The following EGFLAM variants were observed in gnomAD, a reference collection of about 807,000 sequenced individuals.
The protein encoded by EGFLAM is EGF like, fibronectin type III and laminin G domains.
A neutral mutation model predicts 113.1 loss-of-function variants in EGFLAM; 79 were observed. That is an observed-to-expected ratio of 0.70 (90% CI 0.58 to 0.84). The LOEUF (loss-of-function observed/expected upper bound fraction) is 0.84. Among genes scored for constraint, EGFLAM ranks in the 40% least tolerant of loss-of-function variants. EGFLAM has a pLI of 0.00. For missense variants in EGFLAM, 1,265 were observed against 1,291.6 expected (o/e 0.98, Z 0.32); for synonymous variants, 504 against 487.6 (o/e 1.03, Z -0.44).
intron 17 of EGFLAM, 36 bp from the exon 18 acceptor site, chr5:38,448,265 C>T (rs747239456): frequency 6.2e-7 from 1 of 1,611,820 alleles, no homozygotes; most frequent in Non-Finnish European, 8.5e-7. Context: ...AAGAGAACCA[C>T]ATACTATGTA....
intron 17 of EGFLAM, among the ~76,000 whole-genome samples, chr5:38,439,386 T>G (rs1160912650): frequency 7.5e-6 from 1 of 133,140 alleles, no homozygotes; most frequent in South Asian, 2.4e-4. Flanking sequence ...CCCAGGAACT[T>G]AAAAAAAAAA....
At chr5:38,276,965 A>G (rs548465594) in intron 1 of EGFLAM, among the ~76,000 whole-genome samples, 1 of 152,332 alleles carries the variant, frequency 6.6e-6, no homozygotes, top group East Asian at 1.9e-4. Flanking sequence ...TGGTGTCACT[A>G]GTGAATTCTA....
intron 1 of EGFLAM, among the ~76,000 whole-genome samples, chr5:38,295,435 G>A (rs1367634919): frequency 6.6e-6 from 1 of 152,122 alleles, no homozygotes; most frequent in African/African-American, 2.4e-5. Context: ...TAAAAATATG[G>A]CTTGTGAATA....
In EGFLAM at chr5:38,302,056, G is replaced by A. The variant is rs143353717; in HGVS notation, c.98-35464G>A. 1.2e-4 allele frequency among the ~76,000 whole-genome samples: 18 copies of A among 152,026 alleles called. No homozygotes were observed. The East Asian group carries it at 1.6e-3, about 13-fold the overall frequency. On this transcript the variant is annotated intron_variant, in intron 1 of 21. Transcript: ENST00000322350. Reference sequence around the variant, plus strand: ...GGAGTTTGAGACCAGCCTGGCCAACGTAGCGAAACCCCGTCTCTACTAAAT... The same window carrying A: ...GGAGTTTGAGACCAGCCTGGCCAACATAGCGAAACCCCGTCTCTACTAAAT...
chr5:38,421,207 T>C (rs1056279240), intron 12 of EGFLAM, among the ~76,000 whole-genome samples: 1 of 152,230 alleles, frequency 6.6e-6, no homozygotes, highest in Admixed American at 6.5e-5. Flanking sequence ...ATTACTCAGT[T>C]CCTTCCACTT....
intron 6 of EGFLAM, among the ~76,000 whole-genome samples, chr5:38,398,887 A>G (rs1425810280): frequency 6.6e-6 from 1 of 152,210 alleles, no homozygotes; most frequent in African/African-American, 2.4e-5. Context: ...TCTGGTGGGT[A>G]TTAGGGTTTT....
chr5:38,337,598 G>A lies in EGFLAM; in HGVS notation c.176G>A (p.Arg59Lys), dbSNP rs754196781. ...TAFSIQWKMP[R>K]HPGSPILGYT... ...TTCAGCATCCAGTGGAAAATGCCAA[G>A]GCATCCTGGAAGTCCCATCCTTGGG... Residue 59 changes from arginine (R) to lysine (K), a missense_variant, in exon 2 of 22, where the codon AGG (arginine) becomes AAG (lysine). Transcript: ENST00000322350. 17 of 1,605,096 alleles carry A rather than the reference G, an allele frequency of 1.1e-5. 1 individual carries two copies. The South Asian group carries it at 1.9e-4, about 18-fold the overall frequency.
At chr5:38,445,528 A>G in intron 17 of EGFLAM, 1 of 1,555,846 alleles carries the variant, frequency 6.4e-7, no homozygotes, top group Admixed American at 1.7e-5. Context: ...TCATATTCAC[A>G]TTCCCTAAGA....
At chr5:38,369,830 T>A (rs1473355187) in intron 5 of EGFLAM, among the ~76,000 whole-genome samples, 1 of 152,236 alleles carries the variant, frequency 6.6e-6, no homozygotes, top group African/African-American at 2.4e-5. Context: ...AACAGATTCT[T>A]CTTGGGTTTT....
At chr5:38,278,543 C>G (rs958457784) in intron 1 of EGFLAM, among the ~76,000 whole-genome samples, 4 of 150,724 alleles carry the variant, frequency 2.7e-5, no homozygotes, top group African/African-American at 9.8e-5. Flanking sequence ...GGCTGGAGTG[C>G]AGTGGCACGA....
At chr5:38,293,949 G>C (rs1188015021) in intron 1 of EGFLAM, among the ~76,000 whole-genome samples, 2 of 152,160 alleles carry the variant, frequency 1.3e-5, no homozygotes, top group Non-Finnish European at 2.9e-5. Flanking sequence ...CACTCATTAA[G>C]CACCCTCTAT....
At chr5:38,415,944 C>G (rs1398866011) in intron 11 of EGFLAM, among the ~76,000 whole-genome samples, 2 of 152,102 alleles carry the variant, frequency 1.3e-5, no homozygotes, top group African/African-American at 4.8e-5. Flanking sequence ...GGGGTAACCA[C>G]CCCCATGATT....
chr5:38,318,702 AC>A, intron 1 of EGFLAM, among the ~76,000 whole-genome samples: 1 of 151,978 alleles, frequency 6.6e-6, no homozygotes, highest in East Asian at 1.9e-4. Context: ...ACGGCATTTC[AC>A]CATATTGGCC....
intron 1 of EGFLAM, among the ~76,000 whole-genome samples, chr5:38,306,727 G>A (rs1044542350): frequency 6.6e-6 from 1 of 152,110 alleles, no homozygotes; most frequent in Non-Finnish European, 1.5e-5. Context: ...CACTTCTGTA[G>A]TACCCTCTCC....
Position 38,448,225 on chromosome 5 carries a change from T to A in EGFLAM, c.2465-76T>A, listed in dbSNP as rs1742785071. On this transcript the variant is annotated intron_variant, in intron 17 of 21. Transcript: ENST00000322350. The stretch of plus-strand genomic sequence containing the variant: ...CATCCTATTTCCAGGAGCTGGGTGT[T>A]TTCCTGCCATGTGTGTGAGTGCAGG... 2.0e-6 allele frequency: 3 copies of A among 1,476,776 alleles called. No homozygotes were observed. In the Admixed American group the frequency reaches 5.1e-5, roughly 25 times the overall value. 91.5% of individuals were successfully genotyped at this position (1,476,776 alleles called of 1,614,324 possible).
chr5:38,338,672 C>G, intron 2 of EGFLAM, 26 bp from the exon 3 acceptor site: 1 of 1,611,308 alleles, frequency 6.2e-7, no homozygotes, highest in Non-Finnish European at 8.5e-7. Flanking sequence ...GCTCTGCTCT[C>G]ACCAGGGTGT....
At chr5:38,451,991 C>CA (rs531712895) in intron 19 of EGFLAM, among the ~76,000 whole-genome samples, 1,491 of 37,684 alleles carry the variant, frequency 0.04, 53 homozygotes, top group African/African-American at 0.07. Flanking sequence ...GACTCCATCT[C>CA]AAAAAAAAAA....
intron 12 of EGFLAM, among the ~76,000 whole-genome samples, chr5:38,422,940 G>C (rs1741882891): frequency 6.6e-6 from 1 of 152,140 alleles, no homozygotes; most frequent in African/African-American, 2.4e-5. Context: ...GTTCTCTCCA[G>C]CTCACACAGG....
At chr5:38,401,958 G>A (rs1051437078) in intron 6 of EGFLAM, 1 of 152,188 alleles carries the variant, frequency 6.6e-6, no homozygotes, top group Non-Finnish European at 1.5e-5. Context: ...CTTACTTTGT[G>A]GAGTCACCAT....
Sources: gnomAD v4.1 joint callset for allele counts (sites outside exome capture counted in the v4.1 genomes callset) on GRCh38, gnomAD v4.1.1 for gene constraint, MANE v1.5 for transcripts, NCBI Gene and HGNC (gene_info 2026-07-23, HGNC 2026-07-21) for gene names.